AGA: variants seen among roughly 807,000 people sequenced by gnomAD.
AGA encodes the protein N(4)-(beta-N-acetylglucosaminyl)-L-asparaginase.
AGA carries 31 observed loss-of-function variants against 40.1 expected under a neutral mutation model. The observed-to-expected ratio is 0.77, with a 90% confidence interval of 0.58 to 1.04. The LOEUF (loss-of-function observed/expected upper bound fraction) is 1.04, where lower values mean the gene tolerates loss of function less well. Among genes scored for constraint, AGA ranks in the 50% least tolerant of loss-of-function variants. The pLI, the probability that AGA is intolerant of heterozygous loss-of-function variation, is 0.00. For missense variants in AGA, 445 were observed against 435.4 expected (o/e 1.02, Z -0.20); for synonymous variants, 148 against 144.0 (o/e 1.03, Z -0.20).
At chr4:177,437,684 A>T (rs1014923695) in intron 4 of AGA, among the ~76,000 whole-genome samples, 165 bp from the exon 5 acceptor site, 2 of 152,226 alleles carry the variant, frequency 1.3e-5, no homozygotes, top group Non-Finnish European at 2.9e-5. Context: ...TATAAAAACA[A>T]ATAAGATAAA....
At chr4:177,439,210 G>A (rs895715310) in intron 3 of AGA, among the ~76,000 whole-genome samples, 7 of 152,014 alleles carry the variant, frequency 4.6e-5, no homozygotes, top group African/African-American at 1.7e-4. Flanking sequence ...GTGAAACCCC[G>A]TCTCTACTAA....
At chr4:177,436,487 C>T (rs1301867949) in intron 5 of AGA, 136 bp from the exon 6 acceptor site, 7 of 756,298 alleles carry the variant, frequency 9.3e-6, no homozygotes, top group Non-Finnish European at 1.4e-5. Context: ...CATCCTATTC[C>T]ACAAGGTGAT....
chr4:177,431,652 C>T lies in AGA; in HGVS notation c.*56G>A, dbSNP rs780870981. On this transcript the variant is annotated 3_prime_UTR_variant, in exon 9 of 9. Coordinates refer to ENST00000264595, the MANE Select transcript of AGA (RefSeq NM_000027.4). Reference sequence around the variant, plus strand: ...ACACTAGATGATGAGAGTGAGCAGCCTTTTCAGCCTTTGTTTCTTTCTTCT... The same window carrying T: ...ACACTAGATGATGAGAGTGAGCAGCTTTTTCAGCCTTTGTTTCTTTCTTCT... 6.9e-7 allele frequency: 1 copy of T among 1,439,148 alleles called. No individual in the cohort carries two copies. Among genetic ancestry groups the T allele is most frequent in the Non-Finnish European group, 9.7e-7 (1 of 1,025,978 alleles). 89.1% of individuals were successfully genotyped at this position (1,439,148 alleles called of 1,614,324 possible).
rs1003125144 is a variant in AGA at position 177,431,286 on chromosome 4, T to C, written c.*422A>G. ...ATCACTGTGACATAATGAAATTCAA[T>C]CAGGACTGATCATGCTGAGACTCTG... On this transcript the variant is annotated 3_prime_UTR_variant, in exon 9 of 9. Coordinates refer to ENST00000264595, the MANE Select transcript of AGA (RefSeq NM_000027.4). 4.5e-5 allele frequency: 20 copies of C among 443,282 alleles called. No homozygotes were observed. Among genetic ancestry groups the C allele is most frequent in the Non-Finnish European group, 8.9e-5 (20 of 223,988 alleles). The allele number at this position is 443,282 out of a possible 1,614,324, so 27.5% of individuals were successfully genotyped here. A position where few individuals can be genotyped will look rare whatever the true frequency, so the allele number is the denominator to read the frequency against.
At chr4:177,436,372 A>G in intron 5 of AGA, 21 bp from the exon 6 acceptor site, 2 of 1,561,826 alleles carry the variant, frequency 1.3e-6, no homozygotes, top group Non-Finnish European at 1.8e-6. Context: ...AAAAAAAAAA[A>G]TCACTGTAGG....
Position 177,433,393 on chromosome 4 carries a change from AACTC to A in AGA, c.807-50_807-47del, listed in dbSNP as rs757871079. ...ACCTTAGTGTCTCAGAATAAATACT[AACTC>A]CAAATTGGGTTACTTGAAGTTAGAA... On this transcript the variant is annotated intron_variant, in intron 7 of 8. Transcript: ENST00000264595. 30 of 1,612,586 alleles carry A rather than the reference AACTC, an allele frequency of 1.9e-5. No individual in the cohort carries two copies. The African/African-American group carries it at 3.5e-4, about 19-fold the overall frequency.
chr4:177,442,145 C>A, intron 1 of AGA, 104 bp downstream of exon 1: 1 of 1,527,762 alleles, frequency 6.5e-7, no homozygotes, highest in Non-Finnish European at 8.9e-7. Flanking sequence ...CCCAGCCCGG[C>A]GCTCTTCCGT....
At chr4:177,436,686 C>T (rs543020637) in intron 5 of AGA, among the ~76,000 whole-genome samples, 17 of 152,358 alleles carry the variant, frequency 1.1e-4, no homozygotes, top group African/African-American at 3.1e-4. Flanking sequence ...AACCTGCCAG[C>T]GCCTTGACCT....
intron 8 of AGA, 95 bp from the exon 9 acceptor site, chr4:177,431,903 C>T: frequency 2.0e-6 from 2 of 986,468 alleles, no homozygotes; most frequent in East Asian, 2.6e-5. Flanking sequence ...ACACTGGCTA[C>T]TGTATACCTT....
At chr4:177,436,581 G>A (rs1201118661) in intron 5 of AGA, among the ~76,000 whole-genome samples, 1 of 152,074 alleles carries the variant, frequency 6.6e-6, no homozygotes, top group Non-Finnish European at 1.5e-5. Context: ...TTATAAATGA[G>A]GCCCCAGAGA....
At position 177,430,910 on chromosome 4, in the gene AGA, C is replaced by G. The variant is rs1386649114; in HGVS notation, c.*798G>C. On this transcript the variant is annotated 3_prime_UTR_variant, in exon 9 of 9. Coordinates refer to ENST00000264595, the MANE Select transcript of AGA (RefSeq NM_000027.4). The stretch of plus-strand genomic sequence containing the variant: ...GAGAGTTAATCAGAAGTTAGGGAAA[C>G]AAACCAAGCTAAACAACCCATTTCT... 1 of 453,956 alleles carries G rather than the reference C, an allele frequency of 2.2e-6. No homozygotes were observed. The highest frequency in any genetic ancestry group is 2.4e-5 in the Admixed American group (1 of 42,552). The allele number at this position is 453,956 out of a possible 1,614,324, so 28.1% of individuals were successfully genotyped here. A position where few individuals can be genotyped will look rare whatever the true frequency, so the allele number is the denominator to read the frequency against.
intron 6 of AGA, among the ~76,000 whole-genome samples, chr4:177,435,408 C>T (rs1223246574): frequency 6.6e-6 from 1 of 152,114 alleles, no homozygotes; most frequent in Non-Finnish European, 1.5e-5. Flanking sequence ...CAGGTATATA[C>T]CAGGATGGCA....
chr4:177,435,265 GATA>G (rs1296487310), intron 6 of AGA, among the ~76,000 whole-genome samples: 1 of 152,132 alleles, frequency 6.6e-6, no homozygotes, highest in Non-Finnish European at 1.5e-5. Context: ...AGGTCTGTGA[GATA>G]ATAAGTTAAA....
intron 4 of AGA, 120 bp from the exon 5 acceptor site, chr4:177,437,639 A>G (rs1269840725): frequency 3.1e-5 from 22 of 700,232 alleles, no homozygotes; most frequent in Non-Finnish European, 4.6e-5. Flanking sequence ...TAACTTAAAG[A>G]TAAGAATTAA....
intron 1 of AGA, among the ~76,000 whole-genome samples, chr4:177,441,615 C>G (rs1737015318): frequency 6.6e-6 from 1 of 152,096 alleles, no homozygotes; most frequent in African/African-American, 2.4e-5. Context: ...GTCTGCAAAT[C>G]GAAATCACCT....
chr4:177,436,427 G>A (rs1482203069), intron 5 of AGA, 76 bp from the exon 6 acceptor site: 2 of 1,022,382 alleles, frequency 2.0e-6, no homozygotes, highest in South Asian at 2.6e-5. Context: ...TGAGCAACTG[G>A]TAATAACTGC....
At position 177,437,414 on chromosome 4, in the gene AGA, C is replaced by A. The variant is rs1385115799; in HGVS notation, c.613G>T (p.Asp205Tyr). ...ACAAAAGGCAAATTACCAATAGTGT[C>A]ATGACCACGATCATCTTCTGTTTCT... ...HKETEDDRGHDTIGMVVIHKT... is the reference protein window; with the variant it reads ...HKETEDDRGHYTIGMVVIHKT... The change falls in exon 5 of 9, where the codon GAC becomes TAC. Residue 205 changes from aspartate (D) to tyrosine (Y), a missense_variant. Physicochemically the swap from Asp to Tyr is radical, Grantham distance 160 (BLOSUM62 -3). Coordinates refer to ENST00000264595, the MANE Select transcript of AGA (RefSeq NM_000027.4). 6.2e-7 allele frequency: 1 copy of A among 1,609,248 alleles called. No homozygotes were observed. The highest frequency in any genetic ancestry group is 1.1e-5 in the South Asian group (1 of 90,972).
chr4:177,440,034 G>A, intron 2 of AGA: 1 of 598,040 alleles, frequency 1.7e-6, no homozygotes, highest in East Asian at 2.9e-5. Flanking sequence ...CAGAGACATA[G>A]TTTTTTAGCT....
At chr4:177,441,034 G>C (rs977674887) in intron 1 of AGA, among the ~76,000 whole-genome samples, 1 of 152,086 alleles carries the variant, frequency 6.6e-6, no homozygotes, top group Admixed American at 6.5e-5. Flanking sequence ...AGGTCACACA[G>C]CTGGTAAGTA....
Sources: gnomAD v4.1 joint callset for allele counts (sites outside exome capture counted in the v4.1 genomes callset) on GRCh38, gnomAD v4.1.1 for gene constraint, MANE v1.5 for transcripts, NCBI Gene and HGNC (gene_info 2026-07-23, HGNC 2026-07-21) for gene names.